DNAJA3: variants seen among roughly 807,000 people sequenced by gnomAD.
The protein encoded by DNAJA3 is DnaJ heat shock protein family (Hsp40) member A3, also known as dnaJ homolog subfamily A member 3, mitochondrial.
A neutral mutation model predicts 54.9 loss-of-function variants in DNAJA3; 29 were observed. The ratio of observed to expected loss-of-function variants is 0.53; its 90% CI spans 0.39 to 0.72. The LOEUF is 0.72. Among genes scored for constraint, DNAJA3 ranks in the 30% least tolerant of loss-of-function variants. DNAJA3 has a pLI of 0.00. For synonymous variants in DNAJA3, 302 were observed against 251.4 expected (o/e 1.20, Z -1.90); for missense variants, 708 against 639.4 (o/e 1.11, Z -1.16).
chr16:4,441,476 C>T lies in DNAJA3; in HGVS notation c.531C>T (p.Gly177=). 2 of 1,614,142 alleles carry T rather than the reference C, an allele frequency of 1.2e-6. No individual in the cohort carries two copies. The highest frequency in any genetic ancestry group is 1.6e-4 in the Middle Eastern group (1 of 6,062). Residue 177 remains glycine (G), a synonymous_variant, in exon 4 of 12, where the codon GGC becomes GGT. Coordinates refer to ENST00000262375, the MANE Select transcript of DNAJA3 (RefSeq NM_005147.6). ...CCCAGCATAGCTACTGGAAGGGAGG[C>T]CCCACTGTGGACCCCGAGGAGCTGT... ...SGSQHSYWKG[G]PTVDPEELFR...
At chr16:4,443,356 G>A (rs1679119581) in intron 6 of DNAJA3, among the ~76,000 whole-genome samples, 192 bp downstream of exon 6, 1 of 152,126 alleles carries the variant, frequency 6.6e-6, no homozygotes, top group South Asian at 2.1e-4. Flanking sequence ...GAATCTTTCT[G>A]TTTCTGCCAG....
chr16:4,443,322 T>C (rs2056860963), intron 6 of DNAJA3, among the ~76,000 whole-genome samples, 158 bp downstream of exon 6: 1 of 152,186 alleles, frequency 6.6e-6, no homozygotes, highest in Admixed American at 6.5e-5. Context: ...AGCCCCAGGC[T>C]GGAGGAGGAA....
intron 4 of DNAJA3, 76 bp downstream of exon 4, chr16:4,441,651 GT>G (rs1401226297): frequency 1.1e-5 from 17 of 1,487,014 alleles, no homozygotes; most frequent in Non-Finnish European, 1.4e-5. Context: ...ATCAGTTTCT[GT>G]TTCTCAGAAA....
intron 2 of DNAJA3, among the ~76,000 whole-genome samples, chr16:4,436,056 C>A (rs2056768645): frequency 6.6e-6 from 1 of 152,222 alleles, no homozygotes; most frequent in Non-Finnish European, 1.5e-5. Context: ...TTTCGATTTG[C>A]TTTTTCCCTG....
At chr16:4,437,746 T>G (rs1596363357) in intron 3 of DNAJA3, 1 of 374,884 alleles carries the variant, frequency 2.7e-6, no homozygotes, top group Admixed American at 4.5e-5. Context: ...CCCTAGGAGT[T>G]TGAGACCAGC....
At chr16:4,434,359 A>T (rs1417354700) in intron 1 of DNAJA3, 25 bp from the exon 2 acceptor site, 1 of 1,609,708 alleles carries the variant, frequency 6.2e-7, no homozygotes, top group Admixed American at 1.7e-5. Context: ...TCCCAGAGTG[A>T]TTTTCTTTGT....
intron 5 of DNAJA3, 69 bp from the exon 6 acceptor site, chr16:4,442,948 A>G (rs1303567857): frequency 3.2e-6 from 5 of 1,540,222 alleles, no homozygotes; most frequent in East Asian, 2.3e-5. Context: ...TCTTACGCAC[A>G]TTGTGGTCCC....
chr16:4,428,055 CAT>C (rs2056646639), intron 1 of DNAJA3, among the ~76,000 whole-genome samples: 1 of 151,626 alleles, frequency 6.6e-6, no homozygotes, highest in South Asian at 2.1e-4. Flanking sequence ...GGGTTCACGC[CAT>C]TCTCCTGCCT....
Position 4,442,422 on chromosome 16 carries a change from T to C in DNAJA3, c.783+2T>C. ...CACTACTGTGGCGGCTCCGGCATGG[T>C]AAGGCTCTGCCCGAGACTCCACCTC... On this transcript the variant is annotated splice_donor_variant, in intron 5 of 11. Transcript: ENST00000262375. LOFTEE classifies it high-confidence loss of function. 1 of 1,592,562 alleles carries C rather than the reference T, an allele frequency of 6.3e-7. No homozygotes were observed. Among genetic ancestry groups the C allele is most frequent in the Non-Finnish European group, 8.6e-7 (1 of 1,168,500 alleles).
At position 4,455,901 on chromosome 16, in the gene DNAJA3, A is replaced by G. The variant is rs141202134; in HGVS notation, c.*369A>G. On this transcript the variant is annotated 3_prime_UTR_variant, in exon 12 of 12. Transcript: ENST00000262375. ...TAAAGGCCATGCTTACAGCTTAGAA[A>G]TGAAGCCTTAAGCTGCATCAAGTTA... The G allele has an allele frequency of 2.4e-5, 11 of 452,010 alleles. No individual in the cohort carries two copies. Among genetic ancestry groups the G allele is most frequent in the African/African-American group, 1.9e-4 (10 of 51,788 alleles). 28.0% of individuals were successfully genotyped at this position (452,010 alleles called of 1,614,324 possible). A position where few individuals can be genotyped will look rare whatever the true frequency, so the allele number is the denominator to read the frequency against.
chr16:4,444,049 T>A (rs1016114295), intron 6 of DNAJA3, among the ~76,000 whole-genome samples: 7 of 152,194 alleles, frequency 4.6e-5, no homozygotes, highest in African/African-American at 1.2e-4. Flanking sequence ...GAAGAGCATG[T>A]CTCTGTTTGT....
intron 2 of DNAJA3, among the ~76,000 whole-genome samples, chr16:4,435,519 A>C (rs1283882934): frequency 6.6e-6 from 1 of 152,150 alleles, no homozygotes; most frequent in Admixed American, 6.5e-5. Flanking sequence ...AGCAGCTGCT[A>C]ATCTGCGTCC....
At chr16:4,444,904 C>T (rs2056884731) in intron 7 of DNAJA3, among the ~76,000 whole-genome samples, 176 bp downstream of exon 7, 1 of 152,152 alleles carries the variant, frequency 6.6e-6, no homozygotes, top group South Asian at 2.1e-4. Context: ...CTTCAAGATT[C>T]TGTGCCTTGT....
intron 11 of DNAJA3, 198 bp from the exon 12 acceptor site, chr16:4,455,348 T>C: frequency 1.6e-6 from 1 of 635,640 alleles, no homozygotes; most frequent in African/African-American, 1.8e-5. Context: ...TGTGCAAGCC[T>C]GGGGGCTGCT....
At chr16:4,432,669 C>A (rs1222210017) in intron 1 of DNAJA3, among the ~76,000 whole-genome samples, 1 of 151,942 alleles carries the variant, frequency 6.6e-6, no homozygotes, top group Admixed American at 6.6e-5. Context: ...AAACAGATTT[C>A]ATCTATTAAA....
rs139563269 is a variant in DNAJA3, at chr16:4,446,994, T to C, written c.1105T>C (p.Tyr369His). The part of the protein sequence containing the change: ...LGGTARAQGL[Y>H]ETINVTIPPG... ...GGGTACAGCCAGAGCCCAGGGCCTG[T>C]ACGAGACGATCAACGTGACGGTAAG... Residue 369 changes from tyrosine to histidine, a missense_variant, in exon 8 of 12, where the codon TAC becomes CAC. Physicochemically the swap from Tyr to His is moderately conservative, Grantham distance 83. Coordinates refer to ENST00000262375, the MANE Select transcript of DNAJA3 (RefSeq NM_005147.6). The C allele has an allele frequency of 5.9e-5, 95 of 1,613,938 alleles. No homozygotes were observed. The highest frequency in any genetic ancestry group is 7.5e-5 in the Non-Finnish European group (88 of 1,179,950).
chr16:4,447,321 C>A (rs371114513), intron 8 of DNAJA3: 5 of 301,214 alleles, frequency 1.7e-5, no homozygotes, highest in Non-Finnish European at 2.5e-5. Context: ...TCTGCACTTG[C>A]TTCTGTCCAG....
chr16:4,429,020 C>T (rs918212347), intron 1 of DNAJA3, among the ~76,000 whole-genome samples: 2 of 150,584 alleles, frequency 1.3e-5, no homozygotes, highest in Non-Finnish European at 2.9e-5. Context: ...TCCCGAGTAG[C>T]TGGGACTACA....
In DNAJA3 at chr16:4,434,521, T is replaced by C. The variant is rs1312604248; in HGVS notation, c.345+4T>C. 1.9e-6 allele frequency: 3 copies of C among 1,603,062 alleles called. No homozygotes were observed. Among genetic ancestry groups the C allele is most frequent in the Non-Finnish European group, 2.5e-6 (3 of 1,177,494 alleles). On this transcript the variant is annotated splice_donor_region_variant and intron_variant, in intron 2 of 11. Transcript: ENST00000262375. Reference sequence around the variant, plus strand: ...GATCAAGAAAGCCTATTATCAGGTCTGTATGGAAGTCAGGTTTTGGTGACC... The same window carrying C: ...GATCAAGAAAGCCTATTATCAGGTCCGTATGGAAGTCAGGTTTTGGTGACC...
Sources: gnomAD v4.1 joint callset for allele counts (sites outside exome capture counted in the v4.1 genomes callset) on GRCh38, gnomAD v4.1.1 for gene constraint, MANE v1.5 for transcripts, NCBI Gene and HGNC (gene_info 2026-07-23, HGNC 2026-07-21) for gene names.